Variants in SBNO2 observed in about 807,000 individuals in gnomAD.
SBNO2 encodes the protein strawberry notch homolog 2, also known as protein strawberry notch homolog 2.
Under a neutral mutation model 146.3 loss-of-function variants are expected in SBNO2, and 89 were observed. The ratio of observed to expected loss-of-function variants is 0.61; its 90% CI spans 0.51 to 0.73. SBNO2 has a LOEUF of 0.73. Ranked by LOEUF, SBNO2 falls within the 30% of genes least tolerant of loss-of-function variation. The pLI is 0.00. For missense variants in SBNO2, 2,092 were observed against 2,003.7 expected (o/e 1.04, Z -0.84); for synonymous variants, 1,147 against 892.6 (o/e 1.29, Z -5.08).
chr19:1,172,709 C>G (rs577453753), intron 1 of SBNO2, among the ~76,000 whole-genome samples: 3 of 150,798 alleles, frequency 2.0e-5, no homozygotes, highest in Non-Finnish European at 4.4e-5. Context: ...CCTGGGTCCT[C>G]GGCCCCTCCC....
In SBNO2 at chr19:1,122,124, C is replaced by T. The variant is rs1436795110; in HGVS notation, c.1149+15G>A. On this transcript the variant is annotated intron_variant, in intron 11 of 31. Transcript: ENST00000361757. ...TAATCCAGCCCTCCCCTCCCGATTG[C>T]CCCCAGCAGGATACGACGCCCTCGA... 3.6e-6 allele frequency: 5 copies of T among 1,406,454 alleles called. No individual in the cohort carries two copies. Among genetic ancestry groups the T allele is most frequent in the Non-Finnish European group, 3.7e-6 (4 of 1,073,450 alleles). The allele number at this position is 1,406,454 out of a possible 1,614,324, so 87.1% of individuals were successfully genotyped here. A position where few individuals can be genotyped will look rare whatever the true frequency, so the allele number is the denominator to read the frequency against.
chr19:1,160,594 G>A (rs2080334411), intron 1 of SBNO2, among the ~76,000 whole-genome samples: 1 of 152,090 alleles, frequency 6.6e-6, no homozygotes, highest in African/African-American at 2.4e-5. Flanking sequence ...CCCACTGGGG[G>A]TCTCGGCTCA....
chr19:1,154,290 G>A lies in SBNO2; in HGVS notation c.-14C>T. On this transcript the variant is annotated 5_prime_UTR_variant, in exon 2 of 32. Transcript: ENST00000361757. Reference sequence around the variant, plus strand: ...CACTGCAAGCATCGGGCGGCAGGCGGGGTGGGGTCCTCGGCCGGGCAGCAG... The same window carrying A: ...CACTGCAAGCATCGGGCGGCAGGCGAGGTGGGGTCCTCGGCCGGGCAGCAG... 8.0e-7 allele frequency: 1 copy of A among 1,253,666 alleles called. No individual in the cohort carries two copies. Among genetic ancestry groups the A allele is most frequent in the Non-Finnish European group, 1.0e-6 (1 of 997,366 alleles). The allele number at this position is 1,253,666 out of a possible 1,614,324, so 77.7% of individuals were successfully genotyped here. A position where few individuals can be genotyped will look rare whatever the true frequency, so the allele number is the denominator to read the frequency against.
chr19:1,114,195 C>G, intron 18 of SBNO2, 36 bp downstream of exon 18: 4 of 1,413,800 alleles, frequency 2.8e-6, no homozygotes, highest in Non-Finnish European at 3.7e-6. Context: ...GGAATCCTGA[C>G]CCACAGGTGG....
intron 5 of SBNO2, among the ~76,000 whole-genome samples, chr19:1,127,300 G>A (rs1483233195): frequency 6.6e-6 from 1 of 152,168 alleles, no homozygotes; most frequent in Non-Finnish European, 1.5e-5. Context: ...TCCCTCTCAG[G>A]TGGGGCCATA....
In SBNO2 at chr19:1,113,414, G is replaced by A. The variant is rs1027903374; in HGVS notation, c.2247+121C>T. The A allele has an allele frequency of 7.5e-5, 71 of 945,506 alleles. No homozygotes were observed. In the Middle Eastern group the frequency reaches 1.0e-3, roughly 13 times the overall value. The allele number at this position is 945,506 out of a possible 1,614,324, so 58.6% of individuals were successfully genotyped here. On this transcript the variant is annotated intron_variant, in intron 19 of 31. Transcript: ENST00000361757. ...AGGGCTCCCCAAACGCCCCCTCCTC[G>A]CAGGGCCGCGGAGACGCAGAGTGAC...
chr19:1,111,595 T>C lies in SBNO2; in HGVS notation c.2720A>G (p.His907Arg). The change falls in exon 24 of 32, where the codon CAC becomes CGC. Residue 907 changes from histidine (H) to arginine (R), a missense_variant. Coordinates refer to ENST00000361757, the MANE Select transcript of SBNO2 (RefSeq NM_014963.3). Reference protein sequence around the residue: ...FENKYGTRALHCVLTTILSQT... With the variant: ...FENKYGTRALRCVLTTILSQT... ...GCTCAGGATGGTGGTGAGGACACAGTGCAGGGCCCGGGTGCCATACTAGGG... is the reference window on the plus strand; with the variant it reads ...GCTCAGGATGGTGGTGAGGACACAGCGCAGGGCCCGGGTGCCATACTAGGG... The C allele has an allele frequency of 6.3e-7, 1 of 1,591,016 alleles. No individual in the cohort carries two copies. The highest frequency in any genetic ancestry group is 1.1e-5 in the South Asian group (1 of 87,222).
At chr19:1,167,891 C>T (rs774805468) in intron 1 of SBNO2, among the ~76,000 whole-genome samples, 1 of 152,196 alleles carries the variant, frequency 6.6e-6, no homozygotes, top group Non-Finnish European at 1.5e-5. Flanking sequence ...CGGGGACACG[C>T]TCCCACTCCT....
At chr19:1,125,969 G>C (rs568943822) in intron 5 of SBNO2, among the ~76,000 whole-genome samples, 9 of 152,336 alleles carry the variant, frequency 5.9e-5, no homozygotes, top group African/African-American at 2.2e-4. Flanking sequence ...ACTCCAGCCT[G>C]GGCGACAGAG....
chr19:1,147,432 TGGGGG>T lies in SBNO2; in HGVS notation c.168-17_168-13del. The T allele has an allele frequency of 4.7e-5, 31 of 659,912 alleles. No individual in the cohort carries two copies. The highest frequency in any genetic ancestry group is 6.6e-5 in the Non-Finnish European group (29 of 442,238). 40.9% of individuals were successfully genotyped at this position (659,912 alleles called of 1,614,324 possible). ...AGCTCATGAACGGGCTGGAGGGAGATGGGGGGGGGGGAGGTGAGATGGGGTGCTCA... is the reference window on the plus strand; with the variant it reads ...AGCTCATGAACGGGCTGGAGGGAGATGGGGGGAGGTGAGATGGGGTGCTCA... On this transcript the variant is annotated splice_polypyrimidine_tract_variant and intron_variant, in intron 3 of 31. Transcript: ENST00000361757.
rs375836831 is a variant in SBNO2 at position 1,109,104 on chromosome 19, G to T, written c.3425+31C>A. On this transcript the variant is annotated intron_variant, in intron 30 of 31. Coordinates refer to ENST00000361757, the MANE Select transcript of SBNO2 (RefSeq NM_014963.3). This position sits in a 1 kb window ranked among gnomAD's most constrained non-coding sequence, Gnocchi z 4.2. ...CCCGCCTGGGTCGCCGCCATCTGCC[G>T]GTTTCCCCCTGGTCCCCGGCCCGCC... 2.1e-4 allele frequency: 331 copies of T among 1,545,430 alleles called. No individual in the cohort carries two copies. Among genetic ancestry groups the T allele is most frequent in the Non-Finnish European group, 2.7e-4 (311 of 1,144,802 alleles).
At chr19:1,167,032 C>G (rs2080432552) in intron 1 of SBNO2, among the ~76,000 whole-genome samples, 2 of 152,264 alleles carry the variant, frequency 1.3e-5, no homozygotes, top group African/African-American at 4.8e-5. Context: ...GGACCTGCAT[C>G]CGAGCCCTGA....
At position 1,160,567 on chromosome 19, in the gene SBNO2, C is replaced by T. The variant is rs1325955884; in HGVS notation, c.-126-6165G>A. Among the ~76,000 whole-genome samples, 10 of 152,166 alleles carry T rather than the reference C, an allele frequency of 6.6e-5. No homozygotes were observed. In the South Asian group the frequency reaches 1.2e-3, roughly 19 times the overall value. On this transcript the variant is annotated intron_variant, in intron 1 of 31. Coordinates refer to ENST00000361757, the MANE Select transcript of SBNO2 (RefSeq NM_014963.3). ...CCCTGCAGCCTTCGCCTCCTGGGTT[C>T]CAGTGATTTTTGTGGACCCACTGGG...
At position 1,157,408 on chromosome 19, in the gene SBNO2, G is replaced by GGCCCCGGAGACGCTCTCCCCACGCA. The variant is rs1568631454; in HGVS notation, c.-126-3007_-126-3006insTGCGTGGGGAGAGCGTCTCCGGGGC. ...AGCCCCGGAGACGCTCTCCCCACGC[G>GGCCCCGGAGACGCTCTCCCCACGCA]GCCCCGGAGACCCTCTCCCCACGCG... On this transcript the variant is annotated intron_variant, in intron 1 of 31. Transcript: ENST00000361757. The surrounding 1 kb of genome is among the most constrained non-coding windows in gnomAD (Gnocchi z 6.8). Among the ~76,000 whole-genome samples the GGCCCCGGAGACGCTCTCCCCACGCA allele has an allele frequency of 2.2e-3, 317 of 147,274 alleles. 2 individuals carry two copies. The highest frequency in any genetic ancestry group is 7.5e-3 in the African/African-American group (304 of 40,484).
In SBNO2 at chr19:1,109,313, G is replaced by A. The variant is rs373078345; in HGVS notation, c.3327C>T (p.Ser1109=). 9.8e-5 allele frequency: 157 copies of A among 1,596,770 alleles called. 1 individual carries two copies. The highest frequency in any genetic ancestry group is 8.7e-4 in the South Asian group (77 of 88,982). Residue 1109 remains serine (S), a synonymous_variant, in exon 29 of 32, where the codon AGC becomes AGT. Coordinates refer to ENST00000361757, the MANE Select transcript of SBNO2 (RefSeq NM_014963.3). The surrounding 1 kb of genome is among the most constrained non-coding windows in gnomAD (Gnocchi z 4.2). ...CTACCCGGTGGAACTTGCGGCGGAG[G>A]CTGTCCAGGGCCTCCAGCTGGCTCT... ...GRQSQLEALD[S]LRRKFHRVTA... is the part of the protein sequence containing the mutation.
At chr19:1,151,795 T>C (rs1347366142) in intron 2 of SBNO2, among the ~76,000 whole-genome samples, 3 of 152,192 alleles carry the variant, frequency 2.0e-5, no homozygotes, top group Non-Finnish European at 4.4e-5. Flanking sequence ...CATGCGTAGC[T>C]GGGATTACAG....
At position 1,122,565 on chromosome 19, in the gene SBNO2, G is replaced by A. The variant is rs1255225198; in HGVS notation, c.915-7C>T. On this transcript the variant is annotated splice_region_variant and splice_polypyrimidine_tract_variant and intron_variant, in intron 9 of 31. Transcript: ENST00000361757. ...GTCGTTGGAGACGCTGAACCTGCGGGGTGGGGGCGTCAGGCGCGCCCACCC... is the reference window on the plus strand; with the variant it reads ...GTCGTTGGAGACGCTGAACCTGCGGAGTGGGGGCGTCAGGCGCGCCCACCC... 1 of 1,532,946 alleles carries A rather than the reference G, an allele frequency of 6.5e-7. No individual in the cohort carries two copies. The allele number at this position is 1,532,946 out of a possible 1,614,324, so 95.0% of individuals were successfully genotyped here. A position where few individuals can be genotyped will look rare whatever the true frequency, so the allele number is the denominator to read the frequency against.
chr19:1,165,204 C>T (rs1029648246), intron 1 of SBNO2, among the ~76,000 whole-genome samples: 1 of 152,152 alleles, frequency 6.6e-6, no homozygotes, highest in African/African-American at 2.4e-5. Flanking sequence ...GTCAGGAGCT[C>T]CACCAGGTCA....
rs764944473 is a variant in SBNO2 at position 1,122,744 on chromosome 19, G to T, written c.828C>A (p.Ile276=). 2 of 1,537,442 alleles carry T rather than the reference G, an allele frequency of 1.3e-6. No homozygotes were observed. The highest frequency in any genetic ancestry group is 1.7e-6 in the Non-Finnish European group (2 of 1,146,512). Residue 276 remains isoleucine (I), a synonymous_variant, in exon 9 of 32, where the codon ATC becomes ATA. Transcript: ENST00000361757. ...CTTTGCCCACGCCGGCCCCATCGCCGATGAGAAAGCCCGCGCGCTGCCCGC... is the reference window on the plus strand; with the variant it reads ...CTTTGCCCACGCCGGCCCCATCGCCTATGAGAAAGCCCGCGCGCTGCCCGC... ...LPSGQRAGFL[I]GDGAGVGKGR...
Sources: allele counts gnomAD v4.1 joint callset (sites outside exome capture counted in the v4.1 genomes callset), GRCh38; gene constraint gnomAD v4.1.1; non-coding constraint Gnocchi (gnomAD v3.1); transcripts MANE v1.5; gene names NCBI Gene and HGNC (gene_info 2026-07-23, HGNC 2026-07-21).